The following PTHLH variants were observed in gnomAD, a reference collection of about 807,000 sequenced individuals.
The protein encoded by PTHLH is parathyroid hormone-related protein.
Under a neutral mutation model 18.6 loss-of-function variants are expected in PTHLH, and 5 were observed. The observed-to-expected ratio is 0.27, with a 90% confidence interval of 0.14 to 0.56. PTHLH has a LOEUF of 0.56. Ranked by LOEUF, PTHLH falls within the 20% of genes least tolerant of loss-of-function variation. The pLI is 0.92. For synonymous variants in PTHLH, 90 were observed against 94.0 expected (o/e 0.96, Z 0.25); for missense variants, 207 against 223.9 (o/e 0.92, Z 0.48).
intron 5 of PTHLH, among the ~76,000 whole-genome samples, chr12:27,959,662 A>G (rs2062737983): frequency 6.6e-6 from 1 of 152,172 alleles, no homozygotes; most frequent in South Asian, 2.1e-4. Context: ...TATTCTTAAC[A>G]ATTTTGGGGT....
rs1271152298 is a variant in PTHLH at position 27,970,092 on chromosome 12, G to A, written c.-90C>T. Reference sequence around the variant, plus strand: ...CACCCTGAGAACAAGTTTCAAGTGCGTGTGTCGTCGATCAGGAGGGCCAGG... The same window carrying A: ...CACCCTGAGAACAAGTTTCAAGTGCATGTGTCGTCGATCAGGAGGGCCAGG... On this transcript the variant is annotated 5_prime_UTR_variant, in exon 3 of 6. The change creates a new upstream start codon in the 5' untranslated region. Transcript: ENST00000545234. 1.9e-6 allele frequency: 1 copy of A among 518,940 alleles called. No homozygotes were observed. The highest frequency in any genetic ancestry group is 3.8e-6 in the Non-Finnish European group (1 of 259,884). 32.1% of individuals were successfully genotyped at this position (518,940 alleles called of 1,614,324 possible). A position where few individuals can be genotyped will look rare whatever the true frequency, so the allele number is the denominator to read the frequency against.
chr12:27,967,219 G>A (rs892032165), intron 4 of PTHLH, among the ~76,000 whole-genome samples: 1 of 152,192 alleles, frequency 6.6e-6, no homozygotes, highest in Admixed American at 6.5e-5. Context: ...AACATCCATA[G>A]GCCTCACTTT....
rs1470282111 is a variant in PTHLH, at chr12:27,963,676, C to T, written c.196G>A (p.Glu66Lys). 1.2e-6 allele frequency: 2 copies of T among 1,613,522 alleles called. No homozygotes were observed. Among genetic ancestry groups the T allele is most frequent in the Non-Finnish European group, 1.7e-6 (2 of 1,179,842 alleles). The change falls in exon 5 of 6, where the codon GAA (glutamate) becomes AAA (lysine). Residue 66 changes from glutamate to lysine, a missense_variant. By Grantham distance (56) the Glu-to-Lys change is moderately conservative (BLOSUM62 1). Transcript: ENST00000545234. ...GCTCTGATTTCAGCTGTGTGGATTTCTGCGATCAGATGGTGAAGGAAGAAT... is the reference window on the plus strand; with the variant it reads ...GCTCTGATTTCAGCTGTGTGGATTTTTGCGATCAGATGGTGAAGGAAGAAT... ...RRFFLHHLIA[E>K]IHTAEIRATS...
rs370770492 is a variant in PTHLH, at chr12:27,967,385, TA to T, written c.101+2008del. Among the ~76,000 whole-genome samples, 10 of 150,604 alleles carry T rather than the reference TA, an allele frequency of 6.6e-5. No individual in the cohort carries two copies. The East Asian group carries it at 1.2e-3, about 17-fold the overall frequency. Reference sequence around the variant, plus strand: ...TCTCCCTTAAAAGTTAGCATCTAGTTAAAAAAAAAATCTATACTTCTAAAGC... The same window carrying T: ...TCTCCCTTAAAAGTTAGCATCTAGTTAAAAAAAAATCTATACTTCTAAAGC... On this transcript the variant is annotated intron_variant, in intron 4 of 5. Transcript: ENST00000545234.
At position 27,963,396 on chromosome 12, in the gene PTHLH, C is replaced by T. The variant is rs1247148798; in HGVS notation, c.476G>A (p.Gly159Glu). The T allele has an allele frequency of 1.2e-6, 2 of 1,614,044 alleles. No individual in the cohort carries two copies. The highest frequency in any genetic ancestry group is 1.7e-6 in the Non-Finnish European group (2 of 1,180,038). ...TGTGGAGGTGTCAGACAGGTGGTCC[C>T]CTTCTAGCCCACTCCCAGTCACTCC... ...DSGVTGSGLE[G>E]DHLSDTSTTS... The change falls in exon 5 of 6, where the codon GGG becomes GAG. Residue 159 changes from glycine (G) to glutamate (E), a missense_variant. Physicochemically the swap from Gly to Glu is moderately conservative, Grantham distance 98. Coordinates refer to ENST00000545234, the MANE Select transcript of PTHLH (RefSeq NM_198965.2).
intron 2 of PTHLH, among the ~76,000 whole-genome samples, chr12:27,971,497 G>A (rs1449468507): frequency 1.3e-5 from 2 of 152,088 alleles, no homozygotes; most frequent in Admixed American, 6.5e-5. Context: ...GTGTGATTTA[G>A]ATTCTTGAGA....
chr12:27,964,280 T>TCTCA (rs147712936), intron 4 of PTHLH, among the ~76,000 whole-genome samples: 23 of 140,550 alleles, frequency 1.6e-4, no homozygotes, highest in African/African-American at 6.2e-4. Context: ...TCTCTCTCTC[T>TCTCA]CACACACACA....
intron 5 of PTHLH, among the ~76,000 whole-genome samples, chr12:27,960,388 A>G (rs764963145): frequency 2.0e-5 from 3 of 152,182 alleles, no homozygotes; most frequent in Non-Finnish European, 4.4e-5. Flanking sequence ...GGTTCATGTG[A>G]GAGGAAAATA....
At chr12:27,967,088 C>A (rs972744207) in intron 4 of PTHLH, among the ~76,000 whole-genome samples, 3 of 152,308 alleles carry the variant, frequency 2.0e-5, no homozygotes, top group African/African-American at 7.2e-5. Flanking sequence ...ATGGAATAGA[C>A]CCAGTCTGGC....
intron 5 of PTHLH, chr12:27,962,232 C>CTAGA (rs35742272): frequency 0.38 from 95,960 of 254,760 alleles, 20,701 homozygotes; most frequent in Non-Finnish European, 0.41. Flanking sequence ...ACATACCCCC[C>CTAGA]TAGATAGATA....
chr12:27,970,401 C>G (rs932872638), intron 2 of PTHLH, 134 bp from the exon 3 acceptor site: 16 of 148,356 alleles, frequency 1.1e-4, no homozygotes, highest in Non-Finnish European at 3.0e-5. Context: ...ACGGGCCCCG[C>G]GCCGCCCGAG....
intron 4 of PTHLH, among the ~76,000 whole-genome samples, chr12:27,964,353 C>T (rs2062793297): frequency 1.3e-5 from 2 of 151,070 alleles, no homozygotes; most frequent in East Asian, 2.0e-4. Flanking sequence ...TAAAAACAAA[C>T]AAAGGCTGAA....
chr12:27,958,541 A>T lies in PTHLH; in HGVS notation c.*18T>A, dbSNP rs1174213584. ...CAGAATCCTGCAATATGTCCTTGGA[A>T]GGTCTCTGCTGAAAATTTCAATGCC... is the stretch of plus-strand genomic sequence containing the variant. On this transcript the variant is annotated 3_prime_UTR_variant, in exon 6 of 6. Transcript: ENST00000545234. 2 of 1,571,682 alleles carry T rather than the reference A, an allele frequency of 1.3e-6. No homozygotes were observed. Among genetic ancestry groups the T allele is most frequent in the Non-Finnish European group, 1.7e-6 (2 of 1,155,812 alleles).
chr12:27,969,093 T>A, intron 4 of PTHLH: 2 of 386,700 alleles, frequency 5.2e-6, no homozygotes, highest in South Asian at 3.2e-5. Context: ...ACCCCCCAAC[T>A]TTTTTTCTTT....
At chr12:27,958,725 G>T in intron 5 of PTHLH, 157 bp from the exon 6 acceptor site, 1 of 666,766 alleles carries the variant, frequency 1.5e-6, no homozygotes, top group Non-Finnish European at 2.4e-6. Flanking sequence ...AGAGGTATCT[G>T]TGGGATCCAC....
chr12:27,967,271 A>G (rs2062822780), intron 4 of PTHLH, among the ~76,000 whole-genome samples: 1 of 152,182 alleles, frequency 6.6e-6, no homozygotes, highest in Admixed American at 6.5e-5. Context: ...ATTAATTAAA[A>G]TCTTTGGGAT....
chr12:27,971,730 C>T (rs2120686499), intron 2 of PTHLH, among the ~76,000 whole-genome samples, 197 bp downstream of exon 2: 1 of 151,980 alleles, frequency 6.6e-6, no homozygotes, highest in Non-Finnish European at 1.5e-5. Flanking sequence ...TACTGTAAAC[C>T]CCGTACCTTA....
chr12:27,963,462 T>C lies in PTHLH; in HGVS notation c.410A>G (p.Glu137Gly). Residue 137 changes from glutamate (E) to glycine (G), a missense_variant, in exon 5 of 6, where the codon GAA becomes GGA. Transcript: ENST00000545234. The part of the protein sequence containing the change: ...KGKPGKRKEQ[E>G]KKKRRTRSAW... Reference sequence around the variant, plus strand: ...AGAGCGAGTTCGCCGTTTTTTCTTTTCCTGCTCCTTGCGTTTCCCGGGCTT... The same window carrying C: ...AGAGCGAGTTCGCCGTTTTTTCTTTCCCTGCTCCTTGCGTTTCCCGGGCTT... The C allele has an allele frequency of 6.2e-7, 1 of 1,614,214 alleles. No individual in the cohort carries two copies. The highest frequency in any genetic ancestry group is 8.5e-7 in the Non-Finnish European group (1 of 1,180,038).
intron 4 of PTHLH, 24 bp from the exon 5 acceptor site, chr12:27,963,794 G>GA (rs1565522089): frequency 6.2e-7 from 1 of 1,609,504 alleles, no homozygotes; most frequent in African/African-American, 1.3e-5. Context: ...TATTAGAGGG[G>GA]AAGAAAACAG....
Sources: allele counts gnomAD v4.1 joint callset (sites outside exome capture counted in the v4.1 genomes callset), GRCh38; gene constraint gnomAD v4.1.1; transcripts MANE v1.5; gene names NCBI Gene and HGNC (gene_info 2026-07-23, HGNC 2026-07-21).